The following GPC5 variants were observed in gnomAD, a reference collection of about 807,000 sequenced individuals.
GPC5 encodes glypican 5, also known as glypican-5.
Under a neutral mutation model 53.9 loss-of-function variants are expected in GPC5, and 47 were observed. The observed-to-expected ratio is 0.87, with a 90% CI of 0.69 to 1.11. The LOEUF (loss-of-function observed/expected upper bound fraction) is 1.11, where lower values mean the gene tolerates loss of function less well. Ranked by LOEUF, GPC5 falls within the 50% of genes most tolerant of loss-of-function variation. The probability of loss-of-function intolerance (pLI) is 0.00; values close to 1 mark genes in which losing one functional copy is unlikely to be tolerated. For missense variants in GPC5, 748 were observed against 713.1 expected, an observed-to-expected ratio of 1.05 and a Z score of -0.56; for synonymous variants, 286 against 263.3, an observed-to-expected ratio of 1.09 and a Z score of -0.84.
intron 7 of GPC5, among the ~76,000 whole-genome samples, chr13:92,295,842 T>C (rs2043030652): frequency 6.6e-6 from 1 of 152,178 alleles, no homozygotes; most frequent in Non-Finnish European, 1.5e-5. Flanking sequence ...CTTAAGTTTG[T>C]GTGAGTCCTT....
chr13:92,441,035 C>T (rs1157391483), intron 7 of GPC5, among the ~76,000 whole-genome samples: 1 of 152,042 alleles, frequency 6.6e-6, no homozygotes, highest in Non-Finnish European at 1.5e-5. Context: ...TTTTCTCTTG[C>T]TGTGCAGAAG....
intron 7 of GPC5, among the ~76,000 whole-genome samples, chr13:92,776,361 C>T (rs1456501912): frequency 6.6e-6 from 1 of 152,190 alleles, no homozygotes; most frequent in Non-Finnish European, 1.5e-5. Context: ...CCTTTGCCTC[C>T]TCCTGCCTCT....
At chr13:91,980,269 C>T (rs1381888481) in intron 6 of GPC5, among the ~76,000 whole-genome samples, 11 of 152,138 alleles carry the variant, frequency 7.2e-5, no homozygotes, top group Admixed American at 7.2e-4. Flanking sequence ...CTTAGATTAG[C>T]TATGTCACTG....
chr13:92,057,029 T>C (rs1056883019), intron 6 of GPC5, among the ~76,000 whole-genome samples: 1 of 152,152 alleles, frequency 6.6e-6, no homozygotes, highest in African/African-American at 2.4e-5. Flanking sequence ...ATGCCTCTCA[T>C]TGAGAGGTGG....
chr13:92,702,458 A>C (rs1227114670), intron 7 of GPC5, among the ~76,000 whole-genome samples: 1 of 152,010 alleles, frequency 6.6e-6, no homozygotes, highest in South Asian at 2.1e-4. Flanking sequence ...CTAAGTAATA[A>C]TTCTGTTCTT....
chr13:91,715,447 C>T (rs968843373), intron 3 of GPC5, among the ~76,000 whole-genome samples: 2 of 151,936 alleles, frequency 1.3e-5, no homozygotes, highest in African/African-American at 2.4e-5. Flanking sequence ...CAAAATCTGT[C>T]GTGGAGAAGT....
At chr13:91,660,055 A>T (rs953142351) in intron 2 of GPC5, among the ~76,000 whole-genome samples, 2 of 152,218 alleles carry the variant, frequency 1.3e-5, no homozygotes, top group Non-Finnish European at 2.9e-5. Flanking sequence ...GGCATGGGGA[A>T]ACTGTCAAAA....
intron 7 of GPC5, among the ~76,000 whole-genome samples, chr13:92,751,326 A>AC (rs1566400607): frequency 1.0e-4 from 15 of 147,512 alleles, no homozygotes; most frequent in African/African-American, 3.3e-4. Context: ...AAAAAAAAAA[A>AC]AAAAAAAAAC....
chr13:92,221,770 A>G (rs1462622426), intron 7 of GPC5, among the ~76,000 whole-genome samples: 1 of 152,120 alleles, frequency 6.6e-6, no homozygotes, highest in African/African-American at 2.4e-5. Context: ...GTAAAGAATC[A>G]CTAGAATCCA....
intron 6 of GPC5, among the ~76,000 whole-genome samples, chr13:91,969,421 GA>G (rs1003016875): frequency 2.2e-4 from 34 of 151,828 alleles, no homozygotes; most frequent in Non-Finnish European, 4.4e-4. Flanking sequence ...AAATCTTCTA[GA>G]AAAAAATCAT....
chr13:92,653,719 T>C (rs1886034158), intron 7 of GPC5, among the ~76,000 whole-genome samples: 1 of 152,236 alleles, frequency 6.6e-6, no homozygotes, highest in South Asian at 2.1e-4. Flanking sequence ...GTAATTTCTG[T>C]GGCCTTACAC....
intron 2 of GPC5, among the ~76,000 whole-genome samples, chr13:91,630,003 T>C (rs2034115163): frequency 6.6e-6 from 1 of 152,114 alleles, no homozygotes; most frequent in Admixed American, 6.6e-5. Flanking sequence ...CACAGAATTT[T>C]CTCTCACCTA....
chr13:92,037,849 A>G (rs772571504), intron 6 of GPC5, among the ~76,000 whole-genome samples: 4 of 152,150 alleles, frequency 2.6e-5, no homozygotes, highest in Non-Finnish European at 5.9e-5. Flanking sequence ...GGCCTTTGAA[A>G]AACTTTGGAT....
At chr13:91,431,547 C>G (rs1879449931) in intron 1 of GPC5, among the ~76,000 whole-genome samples, 2 of 152,190 alleles carry the variant, frequency 1.3e-5, no homozygotes, top group Non-Finnish European at 2.9e-5. Context: ...ATAGGCACTT[C>G]TCTCCTAATT....
At chr13:92,548,206 A>C (rs1882194432) in intron 7 of GPC5, among the ~76,000 whole-genome samples, 1 of 151,912 alleles carries the variant, frequency 6.6e-6, no homozygotes, top group African/African-American at 2.4e-5. Context: ...ATGTTCAGGC[A>C]AAGGACACAA....
chr13:92,083,092 A>G (rs1323191651), intron 6 of GPC5, among the ~76,000 whole-genome samples: 1 of 152,232 alleles, frequency 6.6e-6, no homozygotes, highest in Non-Finnish European at 1.5e-5. Flanking sequence ...TTATATTTAA[A>G]GTACTGCTAT....
intron 7 of GPC5, among the ~76,000 whole-genome samples, chr13:92,303,769 G>T (rs1284509031): frequency 6.6e-6 from 1 of 152,238 alleles, no homozygotes; most frequent in South Asian, 2.1e-4. Flanking sequence ...CTCATACAGT[G>T]TTTGATATAT....
chr13:91,725,557 T>C (rs1270608097), intron 3 of GPC5, among the ~76,000 whole-genome samples: 1 of 152,204 alleles, frequency 6.6e-6, no homozygotes, highest in Non-Finnish European at 1.5e-5. Flanking sequence ...TACTTGCATT[T>C]ATTAGAATCA....
chr13:91,555,756 G>T (rs936174547), intron 2 of GPC5, among the ~76,000 whole-genome samples: 1 of 152,056 alleles, frequency 6.6e-6, no homozygotes. Flanking sequence ...CAAAGGAGGA[G>T]CAAAGTCACA....
Sources: allele counts gnomAD v4.1 joint callset (sites outside exome capture counted in the v4.1 genomes callset), GRCh38; gene constraint gnomAD v4.1.1; transcripts MANE v1.5; gene names NCBI Gene and HGNC (gene_info 2026-07-23, HGNC 2026-07-21).